MALRD1: variants seen among roughly 807,000 people sequenced by gnomAD.
MALRD1 encodes MAM and LDL receptor class A domain containing 1.
In MALRD1, 247 loss-of-function variants were observed where a neutral mutation model predicts 242.1. The observed-to-expected ratio is 1.02, with a 90% CI of 0.92 to 1.13. The LOEUF is 1.13. Among genes scored for constraint, MALRD1 ranks in the 50% most tolerant of loss-of-function variants. MALRD1 has a pLI of 0.00. For synonymous variants in MALRD1, 995 were observed against 866.6 expected (o/e 1.15, Z -2.60); for missense variants, 2,989 against 2,533.1 (o/e 1.18, Z -3.86).
At chr10:19,404,767 C>T (rs752588896) in intron 28 of MALRD1, among the ~76,000 whole-genome samples, 2 of 152,074 alleles carry the variant, frequency 1.3e-5, no homozygotes, top group Non-Finnish European at 2.9e-5. Context: ...TAAAAAATAG[C>T]ACTCCAGAAA....
chr10:19,579,319 CCTTT>C lies in MALRD1; in HGVS notation c.5680+11619_5680+11622del, dbSNP rs1256015359. ...ACTAAATGATTTGTCTCTCATTTGA[CCTTT>C]CTAAGACAGATAAAACTGTTGTTCC... On this transcript the variant is annotated intron_variant, in intron 33 of 39. Transcript: ENST00000454679. 3.9e-5 allele frequency among the ~76,000 whole-genome samples: 6 copies of C among 152,134 alleles called. No individual in the cohort carries two copies. In the East Asian group the frequency reaches 7.7e-4, roughly 20 times the overall value.
chr10:19,209,667 G>A lies in MALRD1; in HGVS notation c.2978G>A (p.Arg993Lys), dbSNP rs1480495036. ...WIRKHLNISS[R>K]QPFQILVEAS... is the part of the protein sequence containing the mutation. ...AGGAAACACCTCAACATTTCCAGCA[G>A]GCAGCCCTTTCAGGTATGGATAATA... Residue 993 changes from arginine to lysine, a missense_variant, in exon 18 of 40, where the codon AGG becomes AAG. Physicochemically the swap from Arg to Lys is conservative, Grantham distance 26. Transcript: ENST00000454679. 1 of 1,548,562 alleles carries A rather than the reference G, an allele frequency of 6.5e-7. No individual in the cohort carries two copies. The highest frequency in any genetic ancestry group is 1.2e-5 in the South Asian group (1 of 83,748).
In MALRD1 at chr10:19,592,481, C is replaced by T. The variant is rs568777882; in HGVS notation, c.5681-2713C>T. On this transcript the variant is annotated intron_variant, in intron 33 of 39. Transcript: ENST00000454679. The stretch of plus-strand genomic sequence containing the variant: ...TCCTGGGGCCTGACTCAACCATGAG[C>T]TGTCATCTGGCAACCTCCCAGGAGC... 3.3e-5 allele frequency among the ~76,000 whole-genome samples: 5 copies of T among 152,308 alleles called. No individual in the cohort carries two copies. In the South Asian group the frequency reaches 6.2e-4, roughly 19 times the overall value.
At chr10:19,393,873 C>G (rs1846457292) in intron 28 of MALRD1, among the ~76,000 whole-genome samples, 1 of 152,106 alleles carries the variant, frequency 6.6e-6, no homozygotes, top group Admixed American at 6.5e-5. Flanking sequence ...TAAAATCTGT[C>G]TAGCCTCTAC....
chr10:19,725,708 CAG>C (rs1196744566), intron 38 of MALRD1, among the ~76,000 whole-genome samples: 1 of 152,122 alleles, frequency 6.6e-6, no homozygotes, highest in Non-Finnish European at 1.5e-5. Flanking sequence ...GTAAACAAAA[CAG>C]TGTGGTATCG....
intron 36 of MALRD1, among the ~76,000 whole-genome samples, chr10:19,655,651 A>T (rs1222193873): frequency 6.6e-6 from 1 of 150,962 alleles, no homozygotes; most frequent in Non-Finnish European, 1.5e-5. Flanking sequence ...GACATACGAC[A>T]TACTCATTGT....
chr10:19,371,270 G>A (rs116159040), intron 26 of MALRD1, among the ~76,000 whole-genome samples: 3,146 of 151,916 alleles, frequency 0.021, 104 homozygotes, highest in African/African-American at 0.072. Flanking sequence ...AAGAAAAGAA[G>A]AAAAACAGAA....
At chr10:19,128,419 A>T (rs1360099907) in intron 8 of MALRD1, 32 bp downstream of exon 8, 1 of 1,222,402 alleles carries the variant, frequency 8.2e-7, no homozygotes, top group Non-Finnish European at 1.0e-6. Flanking sequence ...TTTCAAATTC[A>T]TTGAATCAAT....
At chr10:19,636,714 C>A (rs1345692393) in intron 36 of MALRD1, among the ~76,000 whole-genome samples, 1 of 151,978 alleles carries the variant, frequency 6.6e-6, no homozygotes, top group Non-Finnish European at 1.5e-5. Flanking sequence ...GCCAAAGCAA[C>A]ATGGTGAAAC....
At chr10:19,325,011 T>C (rs924699805) in intron 22 of MALRD1, among the ~76,000 whole-genome samples, 9 of 147,966 alleles carry the variant, frequency 6.1e-5, no homozygotes, top group Admixed American at 3.4e-4. Flanking sequence ...AGTTGCTTTT[T>C]TTTTTTTTTT....
rs544225536 is a variant in MALRD1 at position 19,077,574 on chromosome 10, C to A, written c.341-10266C>A. ...TTTAGAAAAGAACACTAGAGAGGGA[C>A]AATTTTCAAACAAGATGATATGGAT... On this transcript the variant is annotated intron_variant, in intron 2 of 39. Transcript: ENST00000454679. Among the ~76,000 whole-genome samples, 38 of 151,852 alleles carry A rather than the reference C, an allele frequency of 2.5e-4. 1 individual carries two copies. Among genetic ancestry groups the A allele is most frequent in the East Asian group, 1.9e-4 (1 of 5,166 alleles).
chr10:19,546,970 AT>A (rs1016693470), intron 32 of MALRD1, among the ~76,000 whole-genome samples: 2 of 151,876 alleles, frequency 1.3e-5, no homozygotes, highest in African/African-American at 2.4e-5. Context: ...TTAGAAATTC[AT>A]TTTTTTTCCT....
chr10:19,235,614 G>GAGAGAGAGAGAC (rs1838285450), intron 18 of MALRD1, among the ~76,000 whole-genome samples: 1 of 143,674 alleles, frequency 7.0e-6, no homozygotes, highest in Non-Finnish European at 1.6e-5. Context: ...GAGAGAGAGA[G>GAGAGAGAGAGAC]CGCCTAGGTA....
At chr10:19,563,634 G>A (rs994513000) in intron 32 of MALRD1, among the ~76,000 whole-genome samples, 3 of 152,202 alleles carry the variant, frequency 2.0e-5, no homozygotes, top group Admixed American at 6.5e-5. Context: ...GTCAGTGCCA[G>A]TGACCTGCCT....
intron 21 of MALRD1, among the ~76,000 whole-genome samples, chr10:19,286,296 T>TA (rs1232277194): frequency 1.4e-5 from 2 of 146,724 alleles, no homozygotes. Context: ...CTATGTTGAA[T>TA]AGGAGCAGTG....
chr10:19,138,669 C>T (rs1004662939), intron 10 of MALRD1, among the ~76,000 whole-genome samples: 2 of 152,180 alleles, frequency 1.3e-5, no homozygotes, highest in African/African-American at 2.4e-5. Flanking sequence ...ATCCACCTGC[C>T]TCAGCCTCCC....
At chr10:19,246,115 G>A (rs1459379066) in intron 18 of MALRD1, among the ~76,000 whole-genome samples, 1 of 152,076 alleles carries the variant, frequency 6.6e-6, no homozygotes, top group Non-Finnish European at 1.5e-5. Context: ...CTAGTTGGTA[G>A]ACAACTGACT....
At chr10:19,480,391 G>T (rs1836941923) in intron 29 of MALRD1, among the ~76,000 whole-genome samples, 1 of 152,184 alleles carries the variant, frequency 6.6e-6, no homozygotes, top group Non-Finnish European at 1.5e-5. Context: ...ATGAGTTGGA[G>T]TCACAGTTTG....
intron 34 of MALRD1, among the ~76,000 whole-genome samples, chr10:19,600,026 C>T (rs1427491831): frequency 6.6e-6 from 1 of 152,102 alleles, no homozygotes; most frequent in Non-Finnish European, 1.5e-5. Flanking sequence ...CCATCAGTGA[C>T]AGAACAACTG....
Sources: gnomAD v4.1 joint callset for allele counts (sites outside exome capture counted in the v4.1 genomes callset) on GRCh38, gnomAD v4.1.1 for gene constraint, MANE v1.5 for transcripts, NCBI Gene and HGNC (gene_info 2026-07-23, HGNC 2026-07-21) for gene names.